WDFY3: variants seen among roughly 807,000 people sequenced by gnomAD.
WDFY3 encodes the protein WD repeat and FYVE domain-containing protein 3.
WDFY3 carries 66 observed loss-of-function variants against 409.6 expected under a neutral mutation model. That is an observed-to-expected ratio of 0.16 (90% CI 0.13 to 0.20). The LOEUF is 0.20. Among genes scored for constraint, WDFY3 ranks in the 10% least tolerant of loss-of-function variants. WDFY3 has a pLI of 1.00. For synonymous variants in WDFY3, 1,521 were observed against 1,537.1 expected (o/e 0.99, Z 0.25); for missense variants, 3,031 against 4,298.1 (o/e 0.71, Z 8.24).
Position 84,751,470 on chromosome 4 carries a change from T to TC in WDFY3, c.5973+12dup. The TC allele has an allele frequency of 6.2e-7, 1 of 1,612,736 alleles. No homozygotes were observed. The highest frequency in any genetic ancestry group is 8.5e-7 in the Non-Finnish European group (1 of 1,178,724). On this transcript the variant is annotated intron_variant, in intron 36 of 67. Transcript: ENST00000295888. Reference sequence around the variant, plus strand: ...AATGCAAAAGAGATGTAAATGCGTTTCTTTTTCTTTACCTCCAACAAAAGA... The same window carrying TC: ...AATGCAAAAGAGATGTAAATGCGTTTCCTTTTTCTTTACCTCCAACAAAAGA...
At chr4:84,765,774 C>T in intron 32 of WDFY3, 36 bp downstream of exon 32, 1 of 1,579,872 alleles carries the variant, frequency 6.3e-7, no homozygotes, top group African/African-American at 1.3e-5. Context: ...AACACACCAG[C>T]TCATTTTCAA....
In WDFY3 at chr4:84,944,675, A is replaced by G. The variant is rs561216287; in HGVS notation, c.-225-12312T>C. On this transcript the variant is annotated intron_variant, in intron 1 of 67. Transcript: ENST00000295888. ...AACGTCTCTACTAAAAATACAAAAA[A>G]TTAGCCAGGCATGGTGGCTAAGACA... is the stretch of plus-strand genomic sequence containing the variant. 5.9e-5 allele frequency among the ~76,000 whole-genome samples: 9 copies of G among 151,482 alleles called. No individual in the cohort carries two copies. In the South Asian group the frequency reaches 1.0e-3, roughly 18 times the overall value.
At chr4:84,835,825 A>C (rs1341233994) in intron 7 of WDFY3, among the ~76,000 whole-genome samples, 6 of 152,196 alleles carry the variant, frequency 3.9e-5, no homozygotes, top group Non-Finnish European at 7.3e-5. Context: ...TGGCAGTGGC[A>C]GTAATCACAG....
At chr4:84,696,550 G>T (rs372877658) in intron 57 of WDFY3, among the ~76,000 whole-genome samples, 182 bp downstream of exon 57, 1 of 151,504 alleles carries the variant, frequency 6.6e-6, no homozygotes, top group South Asian at 2.1e-4. Context: ...ATATATATAG[G>T]GTTTGGTACT....
intron 46 of WDFY3, 108 bp from the exon 47 acceptor site, chr4:84,721,680 G>A: frequency 7.5e-7 from 1 of 1,338,130 alleles, no homozygotes. Flanking sequence ...AGACAATTTT[G>A]GAAGGTATAG....
chr4:84,786,924 G>C (rs1747657827), intron 23 of WDFY3, among the ~76,000 whole-genome samples: 1 of 152,064 alleles, frequency 6.6e-6, no homozygotes, highest in African/African-American at 2.4e-5. Context: ...TGAGATTCTT[G>C]GTGGAATCAG....
rs1278476079 is a variant in WDFY3, at chr4:84,671,709, TCTCA to T, written c.*1155_*1158del. 1.3e-5 allele frequency: 2 copies of T among 152,526 alleles called. No homozygotes were observed. The highest frequency in any genetic ancestry group is 4.8e-5 in the African/African-American group (2 of 41,430). The allele number at this position is 152,526 out of a possible 1,614,324, so 9.4% of individuals were successfully genotyped here. On this transcript the variant is annotated 3_prime_UTR_variant, in exon 68 of 68. Transcript: ENST00000295888. ...AAAATAGACATTGATACAGTATAAA[TCTCA>T]CTGTTTTCAGGTAGATGACATTAAA...
intron 15 of WDFY3, among the ~76,000 whole-genome samples, chr4:84,807,883 C>T (rs1354843575): frequency 1.3e-5 from 2 of 151,746 alleles, no homozygotes; most frequent in Non-Finnish European, 2.9e-5. Flanking sequence ...ATACACAGTT[C>T]CTTTCAGTGC....
chr4:84,678,444 C>T (rs1726740254), intron 65 of WDFY3, among the ~76,000 whole-genome samples, 165 bp from the exon 66 acceptor site: 1 of 152,174 alleles, frequency 6.6e-6, no homozygotes, highest in Non-Finnish European at 1.5e-5. Flanking sequence ...GTAAAGCTAC[C>T]TAGCTTGACA....
rs1327667505 is a variant in WDFY3, at chr4:84,704,383, G to A, written c.8397C>T (p.Tyr2799=). The A allele has an allele frequency of 5.0e-6, 8 of 1,613,170 alleles. No individual in the cohort carries two copies. The highest frequency in any genetic ancestry group is 6.8e-6 in the Non-Finnish European group (8 of 1,179,572). The change falls in exon 55 of 68, where the codon TAC becomes TAT. Residue 2799 remains tyrosine, a synonymous_variant. Transcript: ENST00000295888. ...HYSSAMIVAS[Y]LVRMEPFTQI... is the part of the protein sequence containing the mutation. Reference sequence around the variant, plus strand: ...GTGTGAAAGGCTCCATCCTTACAAGGTATGAGGCCACAATCATTGCAGATG... The same window carrying A: ...GTGTGAAAGGCTCCATCCTTACAAGATATGAGGCCACAATCATTGCAGATG...
chr4:84,741,085 T>C (rs1022107048), intron 38 of WDFY3, among the ~76,000 whole-genome samples: 1 of 152,214 alleles, frequency 6.6e-6, no homozygotes, highest in Non-Finnish European at 1.5e-5. Flanking sequence ...AGGAACTTTG[T>C]AAAGATTCAA....
At chr4:84,701,274 T>A (rs1187027411) in intron 56 of WDFY3, among the ~76,000 whole-genome samples, 1 of 152,222 alleles carries the variant, frequency 6.6e-6, no homozygotes, top group Non-Finnish European at 1.5e-5. Flanking sequence ...CTAGGCATAA[T>A]TACAGGTAAT....
At chr4:84,870,847 T>A (rs1762040209) in intron 3 of WDFY3, among the ~76,000 whole-genome samples, 1 of 151,600 alleles carries the variant, frequency 6.6e-6, no homozygotes, top group African/African-American at 2.4e-5. Context: ...TATAAAACAT[T>A]TCCCCTTCCT....
intron 7 of WDFY3, among the ~76,000 whole-genome samples, chr4:84,832,687 C>G (rs1041129360): frequency 5.9e-5 from 9 of 151,952 alleles, no homozygotes; most frequent in Non-Finnish European, 1.2e-4. Context: ...AAATAAATGG[C>G]TGATTATGTT....
At chr4:84,778,061 T>C (rs758701496) in intron 27 of WDFY3, among the ~76,000 whole-genome samples, 2 of 152,154 alleles carry the variant, frequency 1.3e-5, no homozygotes, top group Non-Finnish European at 1.5e-5. Context: ...AGGAGAAGGA[T>C]TGATTAGGGC....
chr4:84,834,946 G>A (rs912233903), intron 7 of WDFY3, among the ~76,000 whole-genome samples: 1 of 152,148 alleles, frequency 6.6e-6, no homozygotes, highest in Non-Finnish European at 1.5e-5. Context: ...AACAAAGAAA[G>A]TGATACACTA....
intron 1 of WDFY3, among the ~76,000 whole-genome samples, chr4:84,958,515 A>T (rs1774519809): frequency 6.6e-6 from 1 of 152,220 alleles, no homozygotes; most frequent in South Asian, 2.1e-4. Context: ...TAATAGGAGT[A>T]CAACCAAGAG....
Position 84,836,919 on chromosome 4 carries a change from C to T in WDFY3, c.576+10G>A, listed in dbSNP as rs562711198. 2.0e-6 allele frequency: 3 copies of T among 1,508,964 alleles called. No homozygotes were observed. The highest frequency in any genetic ancestry group is 2.7e-6 in the Non-Finnish European group (3 of 1,122,280). 93.5% of individuals were successfully genotyped at this position (1,508,964 alleles called of 1,614,324 possible). A position where few individuals can be genotyped will look rare whatever the true frequency, so the allele number is the denominator to read the frequency against. On this transcript the variant is annotated intron_variant, in intron 7 of 67. Transcript: ENST00000295888. ...ATAGGGTGGAGGTAGGCAAATAGCA[C>T]CTTTCATACCTGTACAAAAACTTTC...
chr4:84,793,929 A>G (rs1748941827), intron 21 of WDFY3, among the ~76,000 whole-genome samples: 1 of 152,214 alleles, frequency 6.6e-6, no homozygotes, highest in East Asian at 1.9e-4. Context: ...CAAAATGCTT[A>G]TATTCTTGAG....
Sources: allele counts gnomAD v4.1 joint callset (sites outside exome capture counted in the v4.1 genomes callset), GRCh38; gene constraint gnomAD v4.1.1; transcripts MANE v1.5; gene names NCBI Gene and HGNC (gene_info 2026-07-23, HGNC 2026-07-21).